SH3PXD2B: variants seen among roughly 807,000 people sequenced by gnomAD.
SH3PXD2B encodes SH3 and PX domains 2B, also known as SH3 and PX domain-containing protein 2B.
Under a neutral mutation model 73.1 loss-of-function variants are expected in SH3PXD2B, and 37 were observed. The ratio of observed to expected loss-of-function variants is 0.51; its 90% confidence interval spans 0.39 to 0.67. SH3PXD2B has a LOEUF of 0.67. SH3PXD2B is among the 30% of genes least tolerant of loss of function. SH3PXD2B has a pLI of 0.00. For synonymous variants in SH3PXD2B, 457 were observed against 480.5 expected, an observed-to-expected ratio of 0.95 and a Z score of 0.64; for missense variants, 1,053 against 1,197.8, an observed-to-expected ratio of 0.88 and a Z score of 1.78.
In SH3PXD2B at chr5:172,336,396, C is replaced by T; in HGVS notation, c.*1973G>A. On this transcript the variant is annotated 3_prime_UTR_variant, in exon 13 of 13. Coordinates refer to ENST00000311601, the MANE Select transcript of SH3PXD2B (RefSeq NM_001017995.3). Reference sequence around the variant, plus strand: ...CCATCTGCCCCCAACGCTCTGGGCACAGGGCCAAGTGGCAAGTGGGCCCTG... The same window carrying T: ...CCATCTGCCCCCAACGCTCTGGGCATAGGGCCAAGTGGCAAGTGGGCCCTG... 1.0e-6 allele frequency: 1 copy of T among 985,938 alleles called. No homozygotes were observed. Among genetic ancestry groups the T allele is most frequent in the Non-Finnish European group, 1.2e-6 (1 of 830,036 alleles). The allele number at this position is 985,938 out of a possible 1,614,324, so 61.1% of individuals were successfully genotyped here.
rs1004693326 is a variant in SH3PXD2B at position 172,335,821 on chromosome 5, C to G, written c.*2548G>C. Reference sequence around the variant, plus strand: ...GTGTCTACCATTGTAGGAAAAGGAGCTGGATACAGACGTCCTCAGGCCATA... The same window carrying G: ...GTGTCTACCATTGTAGGAAAAGGAGGTGGATACAGACGTCCTCAGGCCATA... On this transcript the variant is annotated 3_prime_UTR_variant, in exon 13 of 13. Coordinates refer to ENST00000311601, the MANE Select transcript of SH3PXD2B (RefSeq NM_001017995.3). 11 of 1,229,292 alleles carry G rather than the reference C, an allele frequency of 8.9e-6. No individual in the cohort carries two copies. The highest frequency in any genetic ancestry group is 9.1e-6 in the Non-Finnish European group (9 of 987,140). 76.1% of individuals were successfully genotyped at this position (1,229,292 alleles called of 1,614,324 possible). A position where few individuals can be genotyped will look rare whatever the true frequency, so the allele number is the denominator to read the frequency against.
In SH3PXD2B at chr5:172,368,523, A is replaced by AT. The variant is rs1476459267; in HGVS notation, c.427+5266dup. ...ATATATATATATATAAAATATATATATATTATATATATATATAAAATATAT... is the reference window on the plus strand; with the variant it reads ...ATATATATATATATAAAATATATATATTATTATATATATATATAAAATATAT... On this transcript the variant is annotated intron_variant, in intron 6 of 12. Transcript: ENST00000311601. Among the ~76,000 whole-genome samples the AT allele has an allele frequency of 7.0e-4, 14 of 19,914 alleles. 2 individuals carry two copies. The highest frequency in any genetic ancestry group is 3.6e-3 in the South Asian group (2 of 554). 13.1% of individuals were successfully genotyped at this position (19,914 alleles called of 152,430 possible).
In SH3PXD2B at chr5:172,384,732, C is replaced by T. The variant is rs565883541; in HGVS notation, c.310-2605G>A. On this transcript the variant is annotated intron_variant, in intron 4 of 12. Coordinates refer to ENST00000311601, the MANE Select transcript of SH3PXD2B (RefSeq NM_001017995.3). ...GTAATATTCCATTGTCTGGATACAC[C>T]GCATTTTGCTTATCATTCACCTGTC... Among the ~76,000 whole-genome samples, 4 of 152,314 alleles carry T rather than the reference C, an allele frequency of 2.6e-5. No homozygotes were observed. The East Asian group carries it at 5.8e-4, about 22-fold the overall frequency.
chr5:172,338,603 T>C lies in SH3PXD2B; in HGVS notation c.2502A>G (p.Glu834=). The C allele has an allele frequency of 6.2e-7, 1 of 1,614,174 alleles. No homozygotes were observed. Among genetic ancestry groups the C allele is most frequent in the South Asian group, 1.1e-5 (1 of 91,084 alleles). The stretch of plus-strand genomic sequence containing the variant: ...AGGCTGCAGCTGCTTTCTCCCTGTT[T>C]TCTCCAATCTTGCCGGTCCCCCATG... ...LGPWGTGKIG[E]NREKAAAASV... Residue 834 remains glutamate, a synonymous_variant, in exon 13 of 13, where the codon GAA becomes GAG. Transcript: ENST00000311601. This position sits in a 1 kb window ranked among gnomAD's most constrained non-coding sequence, Gnocchi z 5.1.
In SH3PXD2B at chr5:172,350,417, G is replaced by A; in HGVS notation, c.958C>T (p.Gln320Ter). ...CGGCCTTCAAACCGCCCGTCCCTCT[G>A]GCTGCTGAGCAGCTCCTTCTCCCTG... ...VGREKELLSS[Q>*]RDGRFEGRPV... Residue 320 changes from glutamine (Q) to a stop codon, truncating the protein, a stop_gained, in exon 10 of 13, where the codon CAG (glutamine) becomes TAG (stop). Transcript: ENST00000311601. LOFTEE classifies it high-confidence loss of function. 2 of 1,614,028 alleles carry A rather than the reference G, an allele frequency of 1.2e-6. No homozygotes were observed. Among genetic ancestry groups the A allele is most frequent in the Non-Finnish European group, 1.7e-6 (2 of 1,180,022 alleles).
downstream of SH3PXD2B, among the ~76,000 whole-genome samples, chr5:172,329,083 A>ATATTTTTTTTTTTTTTT (rs58472514): frequency 1.6e-4 from 10 of 61,806 alleles, no homozygotes; most frequent in African/African-American, 7.8e-4. Context: ...ATATATATAT[A>ATATTTTTTTTTTTTTTT]TTTTTTTTTT....
intron 4 of SH3PXD2B, among the ~76,000 whole-genome samples, chr5:172,385,771 A>T (rs1758048833): frequency 6.6e-6 from 1 of 152,256 alleles, no homozygotes; most frequent in South Asian, 2.1e-4. Flanking sequence ...ATGCCTAGGA[A>T]GTAAAAGCCA....
chr5:172,361,317 T>C (rs895313580), intron 7 of SH3PXD2B, among the ~76,000 whole-genome samples: 3 of 151,774 alleles, frequency 2.0e-5, no homozygotes, highest in Non-Finnish European at 4.4e-5. Context: ...GTAGAAAAAA[T>C]AGATTTTAGT....
intron 8 of SH3PXD2B, among the ~76,000 whole-genome samples, chr5:172,356,160 G>T (rs1457394921): frequency 2.0e-5 from 3 of 151,916 alleles, no homozygotes; most frequent in African/African-American, 7.3e-5. Context: ...ACAATCCTAG[G>T]ACTTGTGTTA....
Position 172,421,456 on chromosome 5 carries a change from A to C in SH3PXD2B, c.156+960T>G, listed in dbSNP as rs192201249. On this transcript the variant is annotated intron_variant, in intron 2 of 12. Coordinates refer to ENST00000311601, the MANE Select transcript of SH3PXD2B (RefSeq NM_001017995.3). The surrounding 1 kb of genome is among the most constrained non-coding windows in gnomAD (Gnocchi z 4.0). ...ATATACTGTGTGTTAGGCCTTGAAT[A>C]AACTATTAAGGACAGACAGGAAGAG... is the stretch of plus-strand genomic sequence containing the variant. Among the ~76,000 whole-genome samples the C allele has an allele frequency of 3.9e-5, 6 of 152,356 alleles. No homozygotes were observed. The highest frequency in any genetic ancestry group is 3.9e-4 in the East Asian group (2 of 5,192).
chr5:172,413,536 A>G (rs193278278), intron 2 of SH3PXD2B, among the ~76,000 whole-genome samples: 3 of 152,334 alleles, frequency 2.0e-5, no homozygotes, highest in East Asian at 1.9e-4. Context: ...ACAAATGAGT[A>G]AATGAATGAA....
At chr5:172,397,579 T>C (rs376186432) in intron 3 of SH3PXD2B, among the ~76,000 whole-genome samples, 4 of 152,212 alleles carry the variant, frequency 2.6e-5, no homozygotes, top group African/African-American at 7.2e-5. Flanking sequence ...TTTCTCTCTT[T>C]TGTACTCTTT....
chr5:172,448,288 G>A (rs1759719125), intron 1 of SH3PXD2B, among the ~76,000 whole-genome samples: 1 of 152,220 alleles, frequency 6.6e-6, no homozygotes, highest in Non-Finnish European at 1.5e-5. Flanking sequence ...AAGCGGTGCA[G>A]AAATTTAGAT....
chr5:172,423,137 C>T (rs759470480), intron 1 of SH3PXD2B, among the ~76,000 whole-genome samples: 4 of 152,132 alleles, frequency 2.6e-5, no homozygotes, highest in African/African-American at 4.8e-5. Flanking sequence ...TCACGGCACG[C>T]ACAGAAAACA....
chr5:172,353,750 C>T lies in SH3PXD2B; in HGVS notation c.785+138G>A, dbSNP rs935274561. 2.6e-6 allele frequency: 2 copies of T among 755,646 alleles called. No homozygotes were observed. The highest frequency in any genetic ancestry group is 4.8e-6 in the Non-Finnish European group (2 of 417,004). The allele number at this position is 755,646 out of a possible 1,614,324, so 46.8% of individuals were successfully genotyped here. A position where few individuals can be genotyped will look rare whatever the true frequency, so the allele number is the denominator to read the frequency against. ...GCCACACAACACAGAGGAGAAGTAT[C>T]CTTTTATGGTTCAGGCGGAAACTTC... On this transcript the variant is annotated intron_variant, in intron 9 of 12. Coordinates refer to ENST00000311601, the MANE Select transcript of SH3PXD2B (RefSeq NM_001017995.3). The surrounding 1 kb of genome is among the most constrained non-coding windows in gnomAD (Gnocchi z 4.3).
At chr5:172,361,286 AG>A (rs1321566569) in intron 7 of SH3PXD2B, among the ~76,000 whole-genome samples, 2 of 151,876 alleles carry the variant, frequency 1.3e-5, no homozygotes, top group African/African-American at 2.4e-5. Flanking sequence ...GGGTTCAGAA[AG>A]GGGGTTAGGG....
Position 172,336,910 on chromosome 5 carries a change from G to A in SH3PXD2B, c.*1459C>T, listed in dbSNP as rs529079117. Reference sequence around the variant, plus strand: ...AGGGAGAAAACAGATTTGGCAGTGCGTGAAAAAAGAAAAAAACATTACAAA... The same window carrying A: ...AGGGAGAAAACAGATTTGGCAGTGCATGAAAAAAGAAAAAAACATTACAAA... On this transcript the variant is annotated 3_prime_UTR_variant, in exon 13 of 13. Coordinates refer to ENST00000311601, the MANE Select transcript of SH3PXD2B (RefSeq NM_001017995.3). The A allele has an allele frequency of 5.4e-5, 53 of 985,452 alleles. No individual in the cohort carries two copies. The African/African-American group carries it at 6.8e-4, about 13-fold the overall frequency. The allele number at this position is 985,452 out of a possible 1,614,324, so 61.0% of individuals were successfully genotyped here.
chr5:172,366,657 G>A (rs1050012971), intron 6 of SH3PXD2B, among the ~76,000 whole-genome samples: 1 of 151,460 alleles, frequency 6.6e-6, no homozygotes. Flanking sequence ...TTTTTGAGAC[G>A]AAGTCTTGCT....
chr5:172,396,402 T>TA (rs1758299940), intron 3 of SH3PXD2B, among the ~76,000 whole-genome samples: 2 of 150,384 alleles, frequency 1.3e-5, no homozygotes, highest in Admixed American at 1.3e-4. Flanking sequence ...GCTAGTATAG[T>TA]AAGAATTTTC....
Sources: allele counts gnomAD v4.1 joint callset (sites outside exome capture counted in the v4.1 genomes callset), GRCh38; gene constraint gnomAD v4.1.1; non-coding constraint Gnocchi (gnomAD v3.1); transcripts MANE v1.5; gene names NCBI Gene and HGNC (gene_info 2026-07-23, HGNC 2026-07-21).